The following FAM217A variants were observed in gnomAD, a reference collection of about 807,000 sequenced individuals.
FAM217A encodes the protein protein FAM217A.
In FAM217A, 13 loss-of-function variants were observed where a neutral mutation model predicts 18.5. That is an observed-to-expected ratio of 0.70 (90% CI 0.46 to 1.12). FAM217A has a LOEUF of 1.12. Ranked by LOEUF, FAM217A falls within the 50% of genes most tolerant of loss-of-function variation. The pLI, the probability that FAM217A is intolerant of heterozygous loss-of-function variation, is 0.00. For synonymous variants in FAM217A, 161 were observed against 202.8 expected (o/e 0.79, Z 1.75); for missense variants, 560 against 575.4 (o/e 0.97, Z 0.27).
chr6:4,073,449 C>T lies in FAM217A; in HGVS notation c.218G>A (p.Ser73Asn), dbSNP rs1258159328. The T allele has an allele frequency of 6.2e-7, 1 of 1,613,082 alleles. No individual in the cohort carries two copies. Among genetic ancestry groups the T allele is most frequent in the Non-Finnish European group, 8.5e-7 (1 of 1,179,602 alleles). The change falls in exon 5 of 7, where the codon AGT becomes AAT. Residue 73 changes from serine to asparagine, a missense_variant. Ser to Asn is a conservative substitution (Grantham distance 46). Coordinates refer to ENST00000274673, the MANE Select transcript of FAM217A (RefSeq NM_173563.3). ...LMLEPNLSVH[S>N]QKSTQNSKQG... Reference sequence around the variant, plus strand: ...AAATCCCACCTGTGTACTTTTTTGACTATGCACCGACAAATTAGGTTCTAG... The same window carrying T: ...AAATCCCACCTGTGTACTTTTTTGATTATGCACCGACAAATTAGGTTCTAG...
intron 2 of FAM217A, among the ~76,000 whole-genome samples, chr6:4,074,902 G>A (rs592953): frequency 0.31 from 47,034 of 151,864 alleles, 9,792 homozygotes; most frequent in African/African-American, 0.59. Flanking sequence ...TTGTGGTTTC[G>A]TTCACATTTT....
At chr6:4,080,023 G>C (rs1014255072), upstream of FAM217A, among the ~76,000 whole-genome samples, 1 of 151,972 alleles carries the variant, frequency 6.6e-6, no homozygotes, top group Non-Finnish European at 1.5e-5. Context: ...CCCACCTTTT[G>C]ATATAGAGAA....
intron 6 of FAM217A, among the ~76,000 whole-genome samples, chr6:4,071,738 A>T (rs1176920157): frequency 6.6e-6 from 1 of 152,200 alleles, no homozygotes; most frequent in Non-Finnish European, 1.5e-5. Context: ...TTAGGTCATC[A>T]GTCACCACAA....
chr6:4,069,022 TATC>T lies in FAM217A; in HGVS notation c.1198_1200del (p.Asp400del), dbSNP rs760518162. On this transcript the variant is annotated inframe_deletion, in exon 7 of 7. Coordinates refer to ENST00000274673, the MANE Select transcript of FAM217A (RefSeq NM_173563.3). ...CTTAAAATAGAACTTTTGGGATTCT[TATC>T]ATAAGTTTCAATCAATTGTTTTGGG... is the stretch of plus-strand genomic sequence containing the variant. 51 of 1,613,854 alleles carry T rather than the reference TATC, an allele frequency of 3.2e-5. No homozygotes were observed. The highest frequency in any genetic ancestry group is 1.1e-4 in the African/African-American group (8 of 75,044).
chr6:4,072,097 C>T (rs1013360701), intron 6 of FAM217A, among the ~76,000 whole-genome samples: 2 of 152,220 alleles, frequency 1.3e-5, no homozygotes, highest in African/African-American at 4.8e-5. Flanking sequence ...AATCCCAGCA[C>T]TTTGGGAGGA....
At position 4,079,002 on chromosome 6, in the gene FAM217A, CTGG is replaced by C. The variant is rs1192858443; in HGVS notation, c.-188_-186del. 1 of 475,758 alleles carries C rather than the reference CTGG, an allele frequency of 2.1e-6. No homozygotes were observed. Among genetic ancestry groups the C allele is most frequent in the African/African-American group, 2.1e-5 (1 of 48,568 alleles). The allele number at this position is 475,758 out of a possible 1,614,324, so 29.5% of individuals were successfully genotyped here. A position where few individuals can be genotyped will look rare whatever the true frequency, so the allele number is the denominator to read the frequency against. ...GGGGGACAAAGAGGGCGGCGGGCGGCTGGCGGCCTTGAGCGCAGCCCGGTCGGC... is the reference window on the plus strand; with the variant it reads ...GGGGGACAAAGAGGGCGGCGGGCGGCCGGCCTTGAGCGCAGCCCGGTCGGC... On this transcript the variant is annotated 5_prime_UTR_variant, in exon 1 of 7. Transcript: ENST00000274673.
Position 4,078,947 on chromosome 6 carries a change from C to A in FAM217A, c.-130G>T. On this transcript the variant is annotated 5_prime_UTR_variant, in exon 1 of 7. Transcript: ENST00000274673. ...CGTGCGTGGCTGACGGCTTGGAGGG[C>A]GCCCCCTCTGCCGCGGCCTTCCTGC... 1.8e-6 allele frequency: 1 copy of A among 554,352 alleles called. No homozygotes were observed. The highest frequency in any genetic ancestry group is 3.2e-6 in the Non-Finnish European group (1 of 312,680). 34.3% of individuals were successfully genotyped at this position (554,352 alleles called of 1,614,324 possible). A position where few individuals can be genotyped will look rare whatever the true frequency, so the allele number is the denominator to read the frequency against.
rs543004868 is a variant in FAM217A, at chr6:4,071,005, A to C, written c.303-1085T>G. Among the ~76,000 whole-genome samples the C allele has an allele frequency of 1.6e-4, 24 of 152,198 alleles. 1 individual carries two copies. The highest frequency in any genetic ancestry group is 5.8e-4 in the African/African-American group (24 of 41,538). On this transcript the variant is annotated intron_variant, in intron 6 of 6. Coordinates refer to ENST00000274673, the MANE Select transcript of FAM217A (RefSeq NM_173563.3). Reference sequence around the variant, plus strand: ...AATGAGGCCCTGTTGCAAAAAAAAAAAGAGAAAAAGAAAAAGAAAAAAATA... The same window carrying C: ...AATGAGGCCCTGTTGCAAAAAAAAACAGAGAAAAAGAAAAAGAAAAAAATA...
Position 4,068,503 on chromosome 6 carries a change from A to G in FAM217A, c.*193T>C, listed in dbSNP as rs1247872026. On this transcript the variant is annotated 3_prime_UTR_variant, in exon 7 of 7. Transcript: ENST00000274673. ...GCAAAAGATTGTGAAATATGTCAGT[A>G]TAGAAGCCTGTGGGTTTATATATAG... 3.8e-6 allele frequency: 2 copies of G among 522,188 alleles called. No homozygotes were observed. The highest frequency in any genetic ancestry group is 6.5e-6 in the Non-Finnish European group (2 of 305,844). 32.3% of individuals were successfully genotyped at this position (522,188 alleles called of 1,614,324 possible). A position where few individuals can be genotyped will look rare whatever the true frequency, so the allele number is the denominator to read the frequency against.
chr6:4,084,274 T>C (rs766242253), intron 2 of FAM217A, among the ~76,000 whole-genome samples: 4 of 152,266 alleles, frequency 2.6e-5, no homozygotes, highest in Non-Finnish European at 4.4e-5. Flanking sequence ...ATAAGAAATA[T>C]TGTTTAAAAA....
intron 2 of FAM217A, among the ~76,000 whole-genome samples, chr6:4,075,985 T>C (rs889436923): frequency 5.3e-5 from 8 of 152,170 alleles, no homozygotes; most frequent in Non-Finnish European, 1.2e-4. Flanking sequence ...TGGGGAGCTT[T>C]TTAAAAATAA....
upstream of FAM217A, among the ~76,000 whole-genome samples, chr6:4,081,373 G>A (rs566515864): frequency 4.6e-5 from 7 of 151,582 alleles, 1 homozygote; most frequent in East Asian, 9.7e-4. Flanking sequence ...GTGTGATCTC[G>A]GCTCACTGCA....
chr6:4,086,762 A>G (rs903936926), intron 1 of FAM217A, among the ~76,000 whole-genome samples: 6 of 152,188 alleles, frequency 3.9e-5, no homozygotes, highest in Admixed American at 6.5e-5. Context: ...AGTAGCTGTA[A>G]CAAACTCTAT....
At chr6:4,077,199 A>G (rs1769865043) in intron 2 of FAM217A, among the ~76,000 whole-genome samples, 156 bp downstream of exon 2, 1 of 152,226 alleles carries the variant, frequency 6.6e-6, no homozygotes, top group African/African-American at 2.4e-5. Context: ...GAAAATTTCC[A>G]TTTGCTGTTC....
At chr6:4,083,357 C>T (rs988580576), upstream of FAM217A, among the ~76,000 whole-genome samples, 1 of 152,194 alleles carries the variant, frequency 6.6e-6, no homozygotes, top group Non-Finnish European at 1.5e-5. Context: ...AAAGATATGT[C>T]AGTAGCAACA....
intron 4 of FAM217A, 76 bp from the exon 5 acceptor site, chr6:4,073,583 G>A: frequency 8.4e-7 from 1 of 1,190,478 alleles, no homozygotes; most frequent in Non-Finnish European, 1.2e-6. Flanking sequence ...TATAGTTCTT[G>A]TTCTAATCAA....
chr6:4,081,188 A>C (rs1581901142), upstream of FAM217A, among the ~76,000 whole-genome samples: 1 of 152,260 alleles, frequency 6.6e-6, no homozygotes, highest in East Asian at 1.9e-4. Flanking sequence ...TGGTGTGGTG[A>C]CTATATGCCA....
upstream of FAM217A, among the ~76,000 whole-genome samples, chr6:4,081,819 C>T (rs2113892408): frequency 6.6e-6 from 1 of 152,322 alleles, no homozygotes; most frequent in African/African-American, 2.4e-5. Context: ...TGCACATGCA[C>T]ACGTGTGTGT....
chr6:4,085,311 A>AAAT (rs377046907), intron 1 of FAM217A, among the ~76,000 whole-genome samples: 1,793 of 146,426 alleles, frequency 0.012, 44 homozygotes, highest in African/African-American at 0.042. Flanking sequence ...TGTAAAAAAA[A>AAAT]ATATATATAT....
Sources: allele counts gnomAD v4.1 joint callset (sites outside exome capture counted in the v4.1 genomes callset), GRCh38; gene constraint gnomAD v4.1.1; transcripts MANE v1.5; gene names NCBI Gene and HGNC (gene_info 2026-07-23, HGNC 2026-07-21).